KCNAB1: variants seen among roughly 807,000 people sequenced by gnomAD.
KCNAB1 encodes the protein voltage-gated potassium channel subunit beta-1.
Under a neutral mutation model 64.6 loss-of-function variants are expected in KCNAB1, and 35 were observed. That is an observed-to-expected ratio of 0.54 (90% CI 0.41 to 0.72). The LOEUF is 0.72. KCNAB1 is among the 30% of genes least tolerant of loss of function. The pLI is 0.00. For synonymous variants in KCNAB1, 177 were observed against 183.8 expected (o/e 0.96, Z 0.30); for missense variants, 401 against 512.9 (o/e 0.78, Z 2.11).
At chr3:156,245,420 T>C (rs1717394022) in intron 1 of KCNAB1, among the ~76,000 whole-genome samples, 1 of 152,180 alleles carries the variant, frequency 6.6e-6, no homozygotes, top group Non-Finnish European at 1.5e-5. Flanking sequence ...GGTACAACAT[T>C]AGAACCAGGA....
intron 1 of KCNAB1, among the ~76,000 whole-genome samples, chr3:156,286,593 T>C (rs957638622): frequency 6.6e-6 from 1 of 152,142 alleles, no homozygotes; most frequent in East Asian, 1.9e-4. Context: ...AGGAAAAAAA[T>C]TTTTTTAAGC....
At chr3:156,427,908 G>A (rs113372319) in intron 2 of KCNAB1, among the ~76,000 whole-genome samples, 9 of 152,128 alleles carry the variant, frequency 5.9e-5, no homozygotes, top group East Asian at 1.9e-4. Flanking sequence ...GCAGTAGGCC[G>A]GTCTGATTCA....
rs67400575 is a variant in KCNAB1, at chr3:156,179,433, CT to C, written c.275+58548del. ...GGTTTGGAACCCCCCCCCCCACCCC[CT>C]CACCCCCTGCGTTCTTCCCCCGCGT... On this transcript the variant is annotated intron_variant, in intron 1 of 13. Transcript: ENST00000490337. 8.1e-4 allele frequency among the ~76,000 whole-genome samples: 106 copies of C among 131,366 alleles called. 2 individuals carry two copies. The highest frequency in any genetic ancestry group is 7.2e-3 in the East Asian group (26 of 3,624). 86.2% of individuals were successfully genotyped at this position (131,366 alleles called of 152,430 possible).
Position 156,452,659 on chromosome 3 carries a change from CT to C in KCNAB1, c.320-237del, listed in dbSNP as rs1004552174. ...GGGCTTCCAATAGTATGTACAGTGGCTTTCAGTAAAGAAACAGCAGCCCTTT... is the reference window on the plus strand; with the variant it reads ...GGGCTTCCAATAGTATGTACAGTGGCTTCAGTAAAGAAACAGCAGCCCTTT... On this transcript the variant is annotated intron_variant, in intron 2 of 13. Transcript: ENST00000490337. The surrounding 1 kb of genome is among the most constrained non-coding windows in gnomAD (Gnocchi z 4.6). Among the ~76,000 whole-genome samples, 1 of 152,084 alleles carries C rather than the reference CT, an allele frequency of 6.6e-6. No homozygotes were observed. The highest frequency in any genetic ancestry group is 1.5e-5 in the Non-Finnish European group (1 of 68,010).
At chr3:156,504,192 A>G (rs1401518869) in intron 8 of KCNAB1, among the ~76,000 whole-genome samples, 1 of 152,144 alleles carries the variant, frequency 6.6e-6, no homozygotes, top group Non-Finnish European at 1.5e-5. Flanking sequence ...CTTATTTCAC[A>G]TAATATAATG....
At chr3:156,272,608 A>T (rs1486490165) in intron 1 of KCNAB1, among the ~76,000 whole-genome samples, 1 of 151,804 alleles carries the variant, frequency 6.6e-6, no homozygotes, top group African/African-American at 2.4e-5. Flanking sequence ...CATAGCAATG[A>T]GTTCTCCTCT....
At chr3:156,193,191 G>T (rs1278356236) in intron 1 of KCNAB1, among the ~76,000 whole-genome samples, 1 of 151,298 alleles carries the variant, frequency 6.6e-6, no homozygotes. Flanking sequence ...ATTGCTTTAG[G>T]GTGTTTAATA....
intron 1 of KCNAB1, among the ~76,000 whole-genome samples, chr3:156,306,711 G>A (rs1185753722): frequency 1.3e-5 from 2 of 152,202 alleles, no homozygotes; most frequent in Non-Finnish European, 2.9e-5. Flanking sequence ...GGCACGTGAT[G>A]GCCCTGTGGA....
chr3:156,221,140 T>A (rs1715703784), intron 1 of KCNAB1, among the ~76,000 whole-genome samples: 1 of 152,212 alleles, frequency 6.6e-6, no homozygotes, highest in Non-Finnish European at 1.5e-5. Flanking sequence ...TAGTTTGAAG[T>A]CAGGTAGCAT....
intron 1 of KCNAB1, among the ~76,000 whole-genome samples, chr3:156,279,892 G>A (rs1426052220): frequency 0.016 from 2,373 of 147,210 alleles, 59 homozygotes; most frequent in African/African-American, 0.056. Context: ...AGTAGGTTGC[G>A]AAAATTTTCT....
At chr3:156,459,170 T>C (rs1712691496) in intron 4 of KCNAB1, among the ~76,000 whole-genome samples, 1 of 152,174 alleles carries the variant, frequency 6.6e-6, no homozygotes, top group Non-Finnish European at 1.5e-5. Context: ...ATAGAACATT[T>C]GTCTCCTCAA....
intron 1 of KCNAB1, among the ~76,000 whole-genome samples, chr3:156,335,931 A>G (rs1315499781): frequency 6.8e-6 from 1 of 147,676 alleles, no homozygotes; most frequent in Non-Finnish European, 1.5e-5. Flanking sequence ...TGCATTTTAT[A>G]TTTTACTGTG....
chr3:156,143,143 C>G, intron 1 of KCNAB1: 1 of 1,548,398 alleles, frequency 6.5e-7, no homozygotes, highest in Non-Finnish European at 8.7e-7. Flanking sequence ...AGTTAAGCAC[C>G]GTGCAATTAG....
intron 1 of KCNAB1, among the ~76,000 whole-genome samples, chr3:156,154,148 C>T (rs1715576566): frequency 6.6e-6 from 1 of 152,164 alleles, no homozygotes; most frequent in Non-Finnish European, 1.5e-5. Flanking sequence ...GTGTGAATTC[C>T]TGTTTCCACT....
chr3:156,365,654 G>A (rs1305361712), intron 1 of KCNAB1, among the ~76,000 whole-genome samples: 1 of 152,154 alleles, frequency 6.6e-6, no homozygotes, highest in Non-Finnish European at 1.5e-5. Context: ...TCTTTTGTCT[G>A]TAGTGATTTG....
chr3:156,182,593 A>G (rs930499534), intron 1 of KCNAB1, among the ~76,000 whole-genome samples: 1 of 144,012 alleles, frequency 6.9e-6, no homozygotes, highest in Admixed American at 7.2e-5. Context: ...AGCCTTCTTT[A>G]TATTCTACTC....
intron 11 of KCNAB1, among the ~76,000 whole-genome samples, chr3:156,523,026 G>A (rs1718060418): frequency 6.6e-6 from 1 of 152,168 alleles, no homozygotes; most frequent in African/African-American, 2.4e-5. Flanking sequence ...GAGCCTTCTG[G>A]AAACTAAGGC....
chr3:156,486,459 C>G (rs945641804), intron 8 of KCNAB1, among the ~76,000 whole-genome samples: 2 of 152,164 alleles, frequency 1.3e-5, no homozygotes, highest in African/African-American at 2.4e-5. Context: ...CATTGCCACC[C>G]TGGTTGGGAT....
chr3:156,487,812 A>G (rs1029171831), intron 8 of KCNAB1, among the ~76,000 whole-genome samples: 2 of 152,114 alleles, frequency 1.3e-5, no homozygotes, highest in East Asian at 3.9e-4. Flanking sequence ...TTTAAAATGA[A>G]TGTTTTTATC....
Sources: gnomAD v4.1 joint callset for allele counts (sites outside exome capture counted in the v4.1 genomes callset) on GRCh38, gnomAD v4.1.1 for gene constraint, Gnocchi (gnomAD v3.1) non-coding constraint, MANE v1.5 for transcripts, NCBI Gene and HGNC (gene_info 2026-07-23, HGNC 2026-07-21) for gene names.